The following DLG2 variants were observed in gnomAD, a reference collection of about 807,000 sequenced individuals.
DLG2 encodes disks large homolog 2.
A neutral mutation model predicts 132.5 loss-of-function variants in DLG2; 45 were observed. The ratio of observed to expected loss-of-function variants is 0.34; its 90% confidence interval spans 0.27 to 0.44. The LOEUF (loss-of-function observed/expected upper bound fraction) is 0.44. DLG2 is among the 20% of genes least tolerant of loss of function. The probability of loss-of-function intolerance (pLI) is 1.00; values close to 1 mark genes in which losing one functional copy is unlikely to be tolerated. For synonymous variants in DLG2, 424 were observed against 419.6 expected, an observed-to-expected ratio of 1.01 and a Z score of -0.13; for missense variants, 1,045 against 1,196.9, an observed-to-expected ratio of 0.87 and a Z score of 1.87.
intron 3 of DLG2, among the ~76,000 whole-genome samples, chr11:85,389,997 A>G (rs566884949): frequency 6.6e-6 from 1 of 152,270 alleles, no homozygotes; most frequent in South Asian, 2.1e-4. Flanking sequence ...ATAGAATAGT[A>G]CCTCACATCT....
chr11:84,737,216 A>C (rs888351239), intron 6 of DLG2, among the ~76,000 whole-genome samples: 4 of 152,018 alleles, frequency 2.6e-5, no homozygotes, highest in Non-Finnish European at 5.9e-5. Flanking sequence ...GTCATGATAT[A>C]TTATAATTTT....
At chr11:84,081,388 C>A (rs1292390339) in intron 10 of DLG2, among the ~76,000 whole-genome samples, 4 of 150,040 alleles carry the variant, frequency 2.7e-5, no homozygotes. Context: ...ATTATTAATT[C>A]AATCAGACAA....
intron 3 of DLG2, among the ~76,000 whole-genome samples, chr11:85,593,636 C>T (rs1263109985): frequency 2.0e-5 from 3 of 152,116 alleles, no homozygotes; most frequent in African/African-American, 7.2e-5. Flanking sequence ...CTGTAGGGGC[C>T]TTCACACCCA....
intron 6 of DLG2, among the ~76,000 whole-genome samples, chr11:84,764,398 A>T (rs551500771): frequency 6.6e-6 from 1 of 152,264 alleles, no homozygotes; most frequent in East Asian, 1.9e-4. Context: ...AGAGTTCTGC[A>T]GTTGTTCTAG....
intron 2 of DLG2, among the ~76,000 whole-genome samples, chr11:85,614,986 T>G (rs1412978640): frequency 6.6e-6 from 1 of 152,228 alleles, no homozygotes; most frequent in Non-Finnish European, 1.5e-5. Flanking sequence ...CTTCTATAAT[T>G]ATTCTTTGCA....
chr11:84,581,219 A>T (rs2099515561), intron 6 of DLG2, among the ~76,000 whole-genome samples: 1 of 152,178 alleles, frequency 6.6e-6, no homozygotes, highest in South Asian at 2.1e-4. Flanking sequence ...TCCTTTATTG[A>T]CCTATGATAT....
intron 18 of DLG2, among the ~76,000 whole-genome samples, chr11:83,645,479 T>G (rs1345527954): frequency 6.6e-6 from 1 of 152,144 alleles, no homozygotes; most frequent in Non-Finnish European, 1.5e-5. Context: ...ATCTGACCAT[T>G]CTATCCTCCA....
intron 18 of DLG2, among the ~76,000 whole-genome samples, chr11:83,678,685 C>T (rs947895257): frequency 2.6e-5 from 4 of 152,114 alleles, no homozygotes; most frequent in Non-Finnish European, 4.4e-5. Flanking sequence ...CCAGAAGGGA[C>T]AGAGAGCAAG....
At chr11:85,453,042 T>C in intron 3 of DLG2, 1 of 189,252 alleles carries the variant, frequency 5.3e-6, no homozygotes, top group East Asian at 1.3e-4. Context: ...CACCCCCGGC[T>C]TTTCACCAAA....
intron 9 of DLG2, among the ~76,000 whole-genome samples, chr11:84,160,511 A>T (rs2095523544): frequency 2.0e-5 from 3 of 152,174 alleles, no homozygotes; most frequent in Non-Finnish European, 4.4e-5. Flanking sequence ...AAATGAGGTA[A>T]TAAGGGGGAG....
intron 11 of DLG2, among the ~76,000 whole-genome samples, chr11:84,044,381 A>G (rs968875766): frequency 1.3e-5 from 2 of 151,814 alleles, no homozygotes; most frequent in East Asian, 1.9e-4. Flanking sequence ...TGGACATTCT[A>G]TTTGCTCTGA....
At chr11:83,485,034 T>C (rs2093415151) in intron 21 of DLG2, among the ~76,000 whole-genome samples, 2 of 152,134 alleles carry the variant, frequency 1.3e-5, no homozygotes, top group African/African-American at 4.8e-5. Context: ...CAAAATCTGT[T>C]AAAATTGCTG....
At chr11:83,522,825 T>C (rs959835888) in intron 21 of DLG2, among the ~76,000 whole-genome samples, 1 of 145,806 alleles carries the variant, frequency 6.9e-6, no homozygotes, top group Non-Finnish European at 1.5e-5. Context: ...CTTTTTTTTT[T>C]AATCAAAATG....
chr11:85,536,706 G>A (rs574280240), intron 3 of DLG2, among the ~76,000 whole-genome samples: 15 of 152,356 alleles, frequency 9.8e-5, no homozygotes, highest in Admixed American at 2.6e-4. Context: ...GGCAAGCCCC[G>A]CACTCAGGGC....
chr11:84,791,555 A>T (rs184020148), intron 6 of DLG2, among the ~76,000 whole-genome samples: 6 of 152,254 alleles, frequency 3.9e-5, no homozygotes, highest in African/African-American at 1.2e-4. Flanking sequence ...AACAACATTG[A>T]TTCTTCCAAT....
intron 7 of DLG2, among the ~76,000 whole-genome samples, chr11:84,330,034 G>GA (rs1270938971): frequency 6.6e-6 from 1 of 152,160 alleles, no homozygotes; most frequent in Non-Finnish European, 1.5e-5. Context: ...GAATTGTTGT[G>GA]AAAATAACAT....
intron 10 of DLG2, among the ~76,000 whole-genome samples, chr11:84,074,525 T>C (rs1018435522): frequency 4.0e-5 from 6 of 150,268 alleles, no homozygotes; most frequent in African/African-American, 1.5e-4. Flanking sequence ...AACCAGAGTT[T>C]CTAATTTTTT....
intron 3 of DLG2, among the ~76,000 whole-genome samples, chr11:85,446,973 T>C (rs2092038745): frequency 6.6e-6 from 1 of 152,164 alleles, no homozygotes. Flanking sequence ...ATCACGGCAA[T>C]TTTACGTTAT....
At chr11:85,214,773 A>AT (rs1458614924) in intron 4 of DLG2, among the ~76,000 whole-genome samples, 7 of 152,244 alleles carry the variant, frequency 4.6e-5, no homozygotes, top group Non-Finnish European at 8.8e-5. Flanking sequence ...AGGAAACTTG[A>AT]TTTTTTTATA....
Sources: gnomAD v4.1 joint callset for allele counts (sites outside exome capture counted in the v4.1 genomes callset) on GRCh38, gnomAD v4.1.1 for gene constraint, MANE v1.5 for transcripts, NCBI Gene and HGNC (gene_info 2026-07-23, HGNC 2026-07-21) for gene names.